Variants in CDK14 observed in about 807,000 individuals in gnomAD.
CDK14 encodes the protein cyclin dependent kinase 14.
In CDK14, 34 loss-of-function variants were observed where a neutral mutation model predicts 60.7. The observed-to-expected ratio is 0.56, with a 90% CI of 0.43 to 0.75. CDK14 has a LOEUF of 0.75. CDK14 is among the 30% of genes least tolerant of loss of function. The pLI, the probability that CDK14 is intolerant of heterozygous loss-of-function variation, is 0.00. For synonymous variants in CDK14, 197 were observed against 203.7 expected, an observed-to-expected ratio of 0.97 and a Z score of 0.28; for missense variants, 482 against 564.1, an observed-to-expected ratio of 0.85 and a Z score of 1.47.
intron 14 of CDK14, among the ~76,000 whole-genome samples, chr7:91,191,197 G>A (rs1300370070): frequency 6.6e-6 from 1 of 152,006 alleles, no homozygotes; most frequent in Non-Finnish European, 1.5e-5. Context: ...ACTTTCTACA[G>A]CTCCTGGTGC....
At chr7:90,772,840 G>A (rs73395698) in intron 4 of CDK14, among the ~76,000 whole-genome samples, 1,963 of 152,136 alleles carry the variant, frequency 0.013, 41 homozygotes, top group African/African-American at 0.044. Context: ...AAACCACAGC[G>A]AAATAGATGA....
chr7:91,091,808 TC>T (rs1798841443), intron 12 of CDK14, among the ~76,000 whole-genome samples: 1 of 146,940 alleles, frequency 6.8e-6, no homozygotes, highest in Non-Finnish European at 1.5e-5. Flanking sequence ...AGTTTTTTTT[TC>T]TCTCTTTCAT....
chr7:90,960,651 CA>C (rs1382711619), intron 9 of CDK14, among the ~76,000 whole-genome samples: 2 of 152,048 alleles, frequency 1.3e-5, no homozygotes, highest in Non-Finnish European at 2.9e-5. Flanking sequence ...GGCCATTTAG[CA>C]TTGCTTTTTT....
chr7:90,745,923 T>C (rs576325293), intron 3 of CDK14, among the ~76,000 whole-genome samples: 1 of 152,334 alleles, frequency 6.6e-6, no homozygotes, highest in Non-Finnish European at 1.5e-5. Flanking sequence ...GTGAAAGGGA[T>C]TACAGCTTGG....
chr7:90,698,392 T>C (rs2116607245), intron 2 of CDK14, among the ~76,000 whole-genome samples: 1 of 152,312 alleles, frequency 6.6e-6, no homozygotes, highest in East Asian at 1.9e-4. Context: ...AAAATACTTT[T>C]GTAAATGAAA....
intron 7 of CDK14, 39 bp from the exon 8 acceptor site, chr7:90,917,562 C>T: frequency 6.2e-7 from 1 of 1,603,258 alleles, no homozygotes; most frequent in Non-Finnish European, 8.5e-7. Context: ...TGGCATTTAT[C>T]TGTGTTCTGA....
intron 10 of CDK14, among the ~76,000 whole-genome samples, chr7:90,986,580 A>T (rs1026564767): frequency 6.6e-6 from 1 of 151,950 alleles, no homozygotes; most frequent in Non-Finnish European, 1.5e-5. Flanking sequence ...TCTACTCAAG[A>T]CTTTACTTTT....
At chr7:90,599,578 A>G (rs17865187) in intron 1 of CDK14, among the ~76,000 whole-genome samples, 1,885 of 152,326 alleles carry the variant, frequency 0.012, 47 homozygotes, top group African/African-American at 0.041. Flanking sequence ...GTGAAGGTCA[A>G]TACCATAGGC....
At chr7:91,064,064 A>G (rs1333663085) in intron 11 of CDK14, among the ~76,000 whole-genome samples, 2 of 152,202 alleles carry the variant, frequency 1.3e-5, no homozygotes, top group Non-Finnish European at 2.9e-5. Flanking sequence ...AGAATTTGAA[A>G]GACATATGTT....
At chr7:90,946,039 G>A (rs182708236) in intron 8 of CDK14, among the ~76,000 whole-genome samples, 1 of 152,224 alleles carries the variant, frequency 6.6e-6, no homozygotes, top group Admixed American at 6.5e-5. Flanking sequence ...GCAGCAGTGG[G>A]GAAAAAGAAG....
Position 91,118,146 on chromosome 7 carries a change from G to A in CDK14, c.1376G>A (p.Ser459Asn). The part of the protein sequence containing the change: ...ESMRAFGKNN[S>N]YGKSLSNSKH ...ATGCGGGCCTTTGGGAAAAACAATA[G>A]TTATGGCAAAAGTCTATCAAACAGC... Residue 459 changes from serine to asparagine, a missense_variant, in exon 14 of 15, where the codon AGT becomes AAT. Ser to Asn is a conservative substitution (Grantham distance 46). Coordinates refer to ENST00000380050, the MANE Select transcript of CDK14 (RefSeq NM_001287135.2). The A allele has an allele frequency of 6.2e-7, 1 of 1,613,478 alleles. No individual in the cohort carries two copies. Among genetic ancestry groups the A allele is most frequent in the Non-Finnish European group, 8.5e-7 (1 of 1,179,540 alleles).
chr7:90,942,902 T>G (rs569757291), intron 8 of CDK14, among the ~76,000 whole-genome samples: 2 of 152,310 alleles, frequency 1.3e-5, no homozygotes, highest in East Asian at 3.9e-4. Context: ...CAAATGTAAA[T>G]TCAGGTCTCT....
chr7:91,205,582 G>A (rs1233381039), intron 14 of CDK14, among the ~76,000 whole-genome samples: 1 of 152,138 alleles, frequency 6.6e-6, no homozygotes, highest in Non-Finnish European at 1.5e-5. Context: ...TCTCCTTTGG[G>A]GGTGATGAAG....
intron 10 of CDK14, among the ~76,000 whole-genome samples, chr7:91,033,981 GA>G (rs1270096794): frequency 6.6e-6 from 1 of 152,136 alleles, no homozygotes; most frequent in Non-Finnish European, 1.5e-5. Flanking sequence ...TTTAGTTGGG[GA>G]AAAACATTTG....
intron 2 of CDK14, among the ~76,000 whole-genome samples, chr7:90,667,035 T>TTTTA (rs969715754): frequency 1.3e-5 from 2 of 152,204 alleles, no homozygotes; most frequent in Non-Finnish European, 2.9e-5. Flanking sequence ...ACTATTTTAT[T>TTTTA]TTTATTTATT....
At chr7:91,157,207 A>G (rs998221277) in intron 14 of CDK14, among the ~76,000 whole-genome samples, 1 of 152,174 alleles carries the variant, frequency 6.6e-6, no homozygotes, top group African/African-American at 2.4e-5. Context: ...AAATTACGTC[A>G]TGTCTCCTTA....
chr7:90,798,603 T>G (rs1039693707), intron 5 of CDK14, among the ~76,000 whole-genome samples: 1 of 152,236 alleles, frequency 6.6e-6, no homozygotes, highest in East Asian at 1.9e-4. Flanking sequence ...GAAAGCACCA[T>G]GCACAGTAAA....
At chr7:90,646,628 C>T (rs1360261487) in intron 2 of CDK14, among the ~76,000 whole-genome samples, 1 of 152,076 alleles carries the variant, frequency 6.6e-6, no homozygotes, top group Non-Finnish European at 1.5e-5. Context: ...CAGACATTTT[C>T]TTTGCCTATG....
rs74764590 is a variant in CDK14 at position 91,042,014 on chromosome 7, G to A, written c.1042-3883G>A. ...CCGGGTAGTGGTTAGGTTCTAAATA[G>A]AAGTTTGCATAAAGCACTCAGACAT... On this transcript the variant is annotated intron_variant, in intron 10 of 14. Transcript: ENST00000380050. 6.9e-3 allele frequency among the ~76,000 whole-genome samples: 1,053 copies of A among 152,284 alleles called. 8 individuals carry two copies. The highest frequency in any genetic ancestry group is 0.024 in the African/African-American group (996 of 41,544).
Sources: gnomAD v4.1 joint callset for allele counts (sites outside exome capture counted in the v4.1 genomes callset) on GRCh38, gnomAD v4.1.1 for gene constraint, MANE v1.5 for transcripts, NCBI Gene and HGNC (gene_info 2026-07-23, HGNC 2026-07-21) for gene names.